The following GPHN variants were observed in gnomAD, a reference collection of about 807,000 sequenced individuals.
GPHN encodes the protein gephyrin.
GPHN carries 17 observed loss-of-function variants against 95.5 expected under a neutral mutation model. That is an observed-to-expected ratio of 0.18 (90% confidence interval 0.12 to 0.27). The LOEUF (loss-of-function observed/expected upper bound fraction) is 0.27. Among genes scored for constraint, GPHN ranks in the 10% least tolerant of loss-of-function variants. GPHN has a pLI of 1.00. For synonymous variants in GPHN, 320 were observed against 322.5 expected, an observed-to-expected ratio of 0.99 and a Z score of 0.08; for missense variants, 660 against 978.1, an observed-to-expected ratio of 0.67 and a Z score of 4.34.
At chr14:67,180,159 GACTTTAA>G (rs1297256561) in intron 22 of GPHN, among the ~76,000 whole-genome samples, 5 of 152,186 alleles carry the variant, frequency 3.3e-5, no homozygotes, top group African/African-American at 1.2e-4. Flanking sequence ...ACCTTCACTA[GACTTTAA>G]ACTGTTATTC....
At chr14:67,085,970 T>G (rs1264820639) in intron 11 of GPHN, among the ~76,000 whole-genome samples, 1 of 152,226 alleles carries the variant, frequency 6.6e-6, no homozygotes, top group African/African-American at 2.4e-5. Flanking sequence ...TATTTGTCTT[T>G]TTATGGTCAG....
At chr14:67,209,417 G>T in the GPHN span, among the ~76,000 whole-genome samples, 2 of 152,116 alleles carry the variant, frequency 1.3e-5, no homozygotes, top group African/African-American at 4.8e-5. Flanking sequence ...AACCTCTGGG[G>T]GAACAGAGTT....
the GPHN span, among the ~76,000 whole-genome samples, chr14:67,434,352 A>C: frequency 3.9e-5 from 6 of 152,230 alleles, no homozygotes; most frequent in Non-Finnish European, 7.3e-5. Context: ...CCTAATTCTA[A>C]GGAAGTAGCT....
intron 3 of GPHN, among the ~76,000 whole-genome samples, chr14:66,787,928 G>A (rs138014435): frequency 0.011 from 1,723 of 151,590 alleles, 18 homozygotes; most frequent in Non-Finnish European, 0.017. Context: ...GGGGCTAGAT[G>A]AATGAAGAGG....
the GPHN span, among the ~76,000 whole-genome samples, chr14:67,368,504 T>C: frequency 6.6e-6 from 1 of 152,038 alleles, no homozygotes; most frequent in African/African-American, 2.4e-5. Context: ...TAATAAAATA[T>C]ATAGTTAATA....
chr14:67,187,072 T>A, the GPHN span, among the ~76,000 whole-genome samples: 10 of 152,046 alleles, frequency 6.6e-5, 1 homozygote, highest in Admixed American at 6.5e-4. Context: ...GAAATATAGT[T>A]GGAAAGAACT....
At chr14:66,551,614 A>G (rs1414883462) in intron 1 of GPHN, among the ~76,000 whole-genome samples, 1 of 152,222 alleles carries the variant, frequency 6.6e-6, no homozygotes, top group African/African-American at 2.4e-5. Flanking sequence ...ACGGCTATAA[A>G]GAAGTTCTTG....
At chr14:66,933,886 A>G (rs1293367686) in intron 8 of GPHN, among the ~76,000 whole-genome samples, 1 of 152,056 alleles carries the variant, frequency 6.6e-6, no homozygotes, top group Non-Finnish European at 1.5e-5. Context: ...TGCCTGTAAT[A>G]CCAGCACTTT....
At chr14:67,579,094 T>A in the GPHN span, 3 of 1,445,530 alleles carry the variant, frequency 2.1e-6, no homozygotes, top group South Asian at 3.5e-5. Context: ...GTGGCAGAGA[T>A]GAGCAGAGCC....
chr14:66,715,970 G>A (rs1456890822), intron 2 of GPHN, among the ~76,000 whole-genome samples: 4 of 151,838 alleles, frequency 2.6e-5, no homozygotes, highest in Non-Finnish European at 5.9e-5. Context: ...GTTGTAGAAT[G>A]GAATGTTCTA....
intron 2 of GPHN, among the ~76,000 whole-genome samples, chr14:66,758,149 A>T (rs891993753): frequency 1.4e-4 from 21 of 152,230 alleles, no homozygotes; most frequent in African/African-American, 4.8e-4. Context: ...GTATATATAA[A>T]GTAGGTGAAG....
At chr14:66,598,310 A>G (rs1198267346) in intron 1 of GPHN, among the ~76,000 whole-genome samples, 1 of 152,162 alleles carries the variant, frequency 6.6e-6, no homozygotes, top group African/African-American at 2.4e-5. Context: ...ATGTAAGGTA[A>G]TGTATATGTT....
At chr14:67,722,136 G>T in the GPHN span, among the ~76,000 whole-genome samples, 1 of 152,004 alleles carries the variant, frequency 6.6e-6, no homozygotes, top group South Asian at 2.1e-4. Flanking sequence ...CCTCCCTAAG[G>T]TTAACTGCTC....
At chr14:67,383,409 C>T in the GPHN span, 2 of 1,613,504 alleles carry the variant, frequency 1.2e-6, no homozygotes, top group South Asian at 2.2e-5. Flanking sequence ...GATGATGATG[C>T]AGAAGAAATG....
the GPHN span, among the ~76,000 whole-genome samples, chr14:67,349,565 T>C: frequency 3.9e-5 from 6 of 152,302 alleles, no homozygotes; most frequent in African/African-American, 1.2e-4. Flanking sequence ...CAGGGTGCGA[T>C]AGCTCACGCC....
At chr14:67,464,330 C>G in the GPHN span, among the ~76,000 whole-genome samples, 1 of 152,084 alleles carries the variant, frequency 6.6e-6, no homozygotes, top group Non-Finnish European at 1.5e-5. Context: ...TGCCCCCATC[C>G]TCAGAATGGG....
chr14:67,559,867 T>C, the GPHN span, among the ~76,000 whole-genome samples: 2 of 152,160 alleles, frequency 1.3e-5, no homozygotes, highest in African/African-American at 4.8e-5. Context: ...CCCTTTCCTT[T>C]TGTCTTGGTT....
intron 2 of GPHN, among the ~76,000 whole-genome samples, chr14:66,730,354 A>G (rs1344220588): frequency 6.6e-6 from 1 of 152,164 alleles, no homozygotes; most frequent in Admixed American, 6.5e-5. Flanking sequence ...TGGAATCACT[A>G]TCTTTACTCT....
rs541901771 is a variant in GPHN at position 67,019,998 on chromosome 14, G to A, written c.964-3635G>A. On this transcript the variant is annotated intron_variant, in intron 9 of 22. Coordinates refer to ENST00000478722, the MANE Select transcript of GPHN (RefSeq NM_020806.5). Reference sequence around the variant, plus strand: ...GGGCTTGTGTGTGTACAAGTGGGGTGGAGGGTGGGGAGGTAAATGGATGGT... The same window carrying A: ...GGGCTTGTGTGTGTACAAGTGGGGTAGAGGGTGGGGAGGTAAATGGATGGT... Among the ~76,000 whole-genome samples the A allele has an allele frequency of 7.9e-5, 12 of 152,254 alleles. No homozygotes were observed. In the East Asian group the frequency reaches 2.1e-3, roughly 27 times the overall value.
Sources: allele counts gnomAD v4.1 joint callset (sites outside exome capture counted in the v4.1 genomes callset), GRCh38; gene constraint gnomAD v4.1.1; transcripts MANE v1.5; gene names NCBI Gene and HGNC (gene_info 2026-07-23, HGNC 2026-07-21).